TUBA1C: variants seen among roughly 807,000 people sequenced by gnomAD.
TUBA1C encodes the protein tubulin alpha-1C chain.
A neutral mutation model predicts 34.9 loss-of-function variants in TUBA1C; 16 were observed. The ratio of observed to expected loss-of-function variants is 0.46; its 90% confidence interval spans 0.31 to 0.70. The LOEUF (loss-of-function observed/expected upper bound fraction) is 0.70, where lower values mean the gene tolerates loss of function less well. Among genes scored for constraint, TUBA1C ranks in the 30% least tolerant of loss-of-function variants. TUBA1C has a pLI of 0.05. For missense variants in TUBA1C, 329 were observed against 587.3 expected (o/e 0.56, Z 4.55); for synonymous variants, 177 against 215.9 (o/e 0.82, Z 1.58).
intron 1 of TUBA1C, among the ~76,000 whole-genome samples, chr12:49,251,069 G>A (rs1036603034): frequency 1.3e-5 from 2 of 151,596 alleles, no homozygotes; most frequent in African/African-American, 4.9e-5. Flanking sequence ...TACCCAGGTG[G>A]GGTGGCACAT....
In TUBA1C at chr12:49,274,285, A is replaced by ATTTTTTTTTTTTT. The variant is rs869028916; in HGVS notation, c.*1075_*1087dup. 10 of 69,692 alleles carry ATTTTTTTTTTTTT rather than the reference A, an allele frequency of 1.4e-4. 2 individuals carry two copies. Among genetic ancestry groups the ATTTTTTTTTTTTT allele is most frequent in the African/African-American group, 6.3e-4 (9 of 14,324 alleles). 4.3% of individuals were successfully genotyped at this position (69,692 alleles called of 1,614,324 possible). On this transcript the variant is annotated 3_prime_UTR_variant, in exon 4 of 4. Transcript: ENST00000301072. ...CCACCATGCCTGGCTGATTCTTGTA[A>ATTTTTTTTTTTTT]TTTTTTTTTTTTTTTTTTTTTTTTT...
intron 1 of TUBA1C, among the ~76,000 whole-genome samples, chr12:49,242,776 C>T (rs1942630526): frequency 6.6e-6 from 1 of 152,126 alleles, no homozygotes; most frequent in Non-Finnish European, 1.5e-5. Flanking sequence ...GTATGAGCTA[C>T]CGCGCCTGGC....
At chr12:49,265,001 G>C (rs1303922283), upstream of TUBA1C, 13 of 868,392 alleles carry the variant, frequency 1.5e-5, no homozygotes, top group Non-Finnish European at 3.1e-6. Context: ...GCAGCGGCAC[G>C]GGGCGGGGTC....
Position 49,270,982 on chromosome 12 carries a change from AAAAC to A in TUBA1C, c.375+1018_375+1021del, listed in dbSNP as rs139228761. ...CGACAGAGTGAGACTCCATCTCAAA[AAAAC>A]AAACAAACAAAAAAAACCCTAAGCT... On this transcript the variant is annotated intron_variant, in intron 3 of 3. Transcript: ENST00000301072. Among the ~76,000 whole-genome samples, 952 of 146,990 alleles carry A rather than the reference AAAAC, an allele frequency of 6.5e-3. 4 individuals are homozygous for A. Among genetic ancestry groups the A allele is most frequent in the Non-Finnish European group, 9.2e-3 (596 of 64,882 alleles).
At chr12:49,265,275 A>T in intron 1 of TUBA1C, 91 bp downstream of exon 1, 1 of 1,133,230 alleles carries the variant, frequency 8.8e-7, no homozygotes, top group African/African-American at 1.6e-5. Context: ...GGCCGCGCCC[A>T]GGACAGCTCC....
chr12:49,229,675 GT>G (rs1942475595), intron 1 of TUBA1C, among the ~76,000 whole-genome samples: 2 of 65,036 alleles, frequency 3.1e-5, no homozygotes, highest in African/African-American at 1.5e-4. Context: ...TTGCATAGAG[GT>G]GTGTGTGTGT....
intron 1 of TUBA1C, among the ~76,000 whole-genome samples, chr12:49,259,184 T>A (rs566893041): frequency 1.3e-5 from 2 of 152,314 alleles, no homozygotes; most frequent in Admixed American, 1.3e-4. Flanking sequence ...CCATCTTTTA[T>A]CTTTTATACC....
intron 1 of TUBA1C, among the ~76,000 whole-genome samples, chr12:49,229,674 GGTGTGT>G (rs3884374): frequency 2.7e-5 from 4 of 150,166 alleles, no homozygotes; most frequent in Non-Finnish European, 4.5e-5. Flanking sequence ...TTTGCATAGA[GGTGTGT>G]GTGTGTGTGT....
chr12:49,269,416 T>TC (rs761332301), intron 1 of TUBA1C, 49 bp from the exon 2 acceptor site: 2 of 1,611,784 alleles, frequency 1.2e-6, no homozygotes, highest in East Asian at 4.5e-5. Context: ...TTCCTAAATG[T>TC]CCCATCTGAT....
intron 1 of TUBA1C, among the ~76,000 whole-genome samples, chr12:49,266,044 C>A (rs558161541): frequency 7.2e-6 from 1 of 138,950 alleles, no homozygotes; most frequent in Non-Finnish European, 1.5e-5. Flanking sequence ...GCAGGAAAAT[C>A]GCTTGAACCC....
chr12:49,261,533 T>C (rs1004312625), upstream of TUBA1C, among the ~76,000 whole-genome samples: 37 of 152,218 alleles, frequency 2.4e-4, no homozygotes, highest in African/African-American at 8.7e-4. Context: ...TTTCCACAGT[T>C]CCATAATAAA....
At chr12:49,251,923 A>G (rs960360748) in intron 1 of TUBA1C, among the ~76,000 whole-genome samples, 36 of 152,198 alleles carry the variant, frequency 2.4e-4, no homozygotes, top group African/African-American at 8.4e-4. Flanking sequence ...GATGCAGAAA[A>G]AACATTTGAC....
chr12:49,272,145 T>A, intron 3 of TUBA1C, 108 bp from the exon 4 acceptor site: 1 of 1,511,846 alleles, frequency 6.6e-7, no homozygotes, highest in South Asian at 1.4e-5. Flanking sequence ...GTTTTAAAAT[T>A]GCAATTGGAG....
In TUBA1C at chr12:49,273,358, A is replaced by G. The variant is rs1269022616; in HGVS notation, c.*131A>G. On this transcript the variant is annotated 3_prime_UTR_variant, in exon 4 of 4. Coordinates refer to ENST00000301072, the MANE Select transcript of TUBA1C (RefSeq NM_032704.5). ...AATGTCGAGCTGACTTAAATACTTG[A>G]TCCAGTTAAAGTTGGATGTATGAGG... 1 of 1,543,550 alleles carries G rather than the reference A, an allele frequency of 6.5e-7. No individual in the cohort carries two copies. Among genetic ancestry groups the G allele is most frequent in the Non-Finnish European group, 8.8e-7 (1 of 1,137,240 alleles).
chr12:49,261,242 A>T (rs1046307461), upstream of TUBA1C, among the ~76,000 whole-genome samples: 1 of 152,096 alleles, frequency 6.6e-6, no homozygotes, highest in Non-Finnish European at 1.5e-5. Context: ...AAAAAAAAAA[A>T]TGCTTATTGT....
chr12:49,230,509 T>C (rs1460435004), intron 1 of TUBA1C, among the ~76,000 whole-genome samples: 1 of 152,126 alleles, frequency 6.6e-6, no homozygotes, highest in Non-Finnish European at 1.5e-5. Flanking sequence ...ATTTATTCCT[T>C]ATATATGAGA....
Position 49,272,530 on chromosome 12 carries a change from A to G in TUBA1C, c.653A>G (p.Asp218Gly), listed in dbSNP as rs372926418. 1.5e-5 allele frequency: 24 copies of G among 1,608,910 alleles called. No homozygotes were observed. The highest frequency in any genetic ancestry group is 2.0e-5 in the Non-Finnish European group (24 of 1,177,800). The change falls in exon 4 of 4, where the codon GAT (aspartate) becomes GGT (glycine). Residue 218 changes from aspartate (D) to glycine (G), a missense_variant. Coordinates refer to ENST00000301072, the MANE Select transcript of TUBA1C (RefSeq NM_032704.5). ...TATGACATCTGTCGTAGAAACCTCG[A>G]TATCGAGCGCCCAACCTACACTAAC... is the stretch of plus-strand genomic sequence containing the variant. ...AIYDICRRNL[D>G]IERPTYTNLN...
In TUBA1C at chr12:49,255,406, ATAT is replaced by A. The variant is rs1218586692; in HGVS notation, c.214-14058_214-14056del. Among the ~76,000 whole-genome samples, 213 of 91,024 alleles carry A rather than the reference ATAT, an allele frequency of 2.3e-3. 1 individual carries two copies. The highest frequency in any genetic ancestry group is 7.1e-3 in the African/African-American group (205 of 28,738). 59.7% of individuals were successfully genotyped at this position (91,024 alleles called of 152,430 possible). ...CAGCAGCTGAACTTATCTTTAAAAA[ATAT>A]ATATATATATATATATATATATTTC... is the stretch of plus-strand genomic sequence containing the variant. On this transcript the variant is annotated intron_variant, in intron 1 of 3. Coordinates refer to the TUBA1C transcript ENST00000541364.
In TUBA1C at chr12:49,265,165, C is replaced by T. The variant is rs756396371; in HGVS notation, c.-17C>T. On this transcript the variant is annotated 5_prime_UTR_variant, in exon 1 of 4. Transcript: ENST00000301072. The stretch of plus-strand genomic sequence containing the variant: ...CTTCGCCTCCTTCACCGCCGCAGAC[C>T]CCTTCAAGTTCTAGTCATGGTGAGT... The T allele has an allele frequency of 1.9e-5, 30 of 1,603,246 alleles. No individual in the cohort carries two copies. In the African/African-American group the frequency reaches 3.7e-4, roughly 20 times the overall value.
Sources: allele counts gnomAD v4.1 joint callset (sites outside exome capture counted in the v4.1 genomes callset), GRCh38; gene constraint gnomAD v4.1.1; transcripts MANE v1.5; gene names NCBI Gene and HGNC (gene_info 2026-07-23, HGNC 2026-07-21).